FSTL5: variants seen among roughly 807,000 people sequenced by gnomAD.
FSTL5 encodes the protein follistatin-related protein 5.
In FSTL5, 62 loss-of-function variants were observed where a neutral mutation model predicts 89.1. The observed-to-expected ratio is 0.70, with a 90% CI of 0.57 to 0.86. The LOEUF (loss-of-function observed/expected upper bound fraction) is 0.86. FSTL5 is among the 40% of genes least tolerant of loss of function. The pLI is 0.00. For synonymous variants in FSTL5, 383 were observed against 346.2 expected, an observed-to-expected ratio of 1.11 and a Z score of -1.18; for missense variants, 1,057 against 1,001.6, an observed-to-expected ratio of 1.06 and a Z score of -0.75.
At chr4:161,460,944 A>G (rs910468997) in intron 13 of FSTL5, among the ~76,000 whole-genome samples, 2 of 150,838 alleles carry the variant, frequency 1.3e-5, no homozygotes, top group Admixed American at 6.6e-5. Flanking sequence ...CACATTGCAT[A>G]CTCTGTATGT....
At chr4:161,426,685 G>C (rs554343474) in intron 15 of FSTL5, among the ~76,000 whole-genome samples, 1 of 152,186 alleles carries the variant, frequency 6.6e-6, no homozygotes, top group Admixed American at 6.5e-5. Context: ...TCTGCCTCTC[G>C]GGTTCAAGTG....
At chr4:161,591,063 C>G (rs1210279015) in intron 7 of FSTL5, among the ~76,000 whole-genome samples, 1 of 152,270 alleles carries the variant, frequency 6.6e-6, no homozygotes, top group South Asian at 2.1e-4. Context: ...ATAAAATGTA[C>G]TATATCTATA....
chr4:161,783,701 T>C (rs1455730795), intron 4 of FSTL5, among the ~76,000 whole-genome samples: 3 of 28,372 alleles, frequency 1.1e-4, no homozygotes, highest in Admixed American at 5.1e-4. Context: ...CTTTCTTTCT[T>C]TCTTTCTTTC....
chr4:161,596,458 A>C (rs1734012898), intron 7 of FSTL5, among the ~76,000 whole-genome samples: 1 of 151,922 alleles, frequency 6.6e-6, no homozygotes, highest in Admixed American at 6.6e-5. Flanking sequence ...GTGAACAAAT[A>C]TTATTAGATA....
chr4:161,972,493 G>A (rs1469652409), intron 3 of FSTL5, among the ~76,000 whole-genome samples: 2 of 152,330 alleles, frequency 1.3e-5, no homozygotes, highest in East Asian at 3.9e-4. Flanking sequence ...CATGTTGTGA[G>A]CTGCTGCATG....
At chr4:161,611,232 A>ATGTG (rs1734634769) in intron 7 of FSTL5, among the ~76,000 whole-genome samples, 1 of 3,240 alleles carries the variant, frequency 3.1e-4, no homozygotes, top group Non-Finnish European at 6.7e-4. Context: ...ATGTGTATAC[A>ATGTG]TATATATATA....
intron 6 of FSTL5, among the ~76,000 whole-genome samples, chr4:161,711,814 G>A (rs1263263177): frequency 6.6e-6 from 1 of 152,128 alleles, no homozygotes; most frequent in Non-Finnish European, 1.5e-5. Context: ...ATCTGAGGTT[G>A]GGTCAACATC....
At chr4:161,953,607 T>G (rs1043160654) in intron 3 of FSTL5, among the ~76,000 whole-genome samples, 1 of 151,658 alleles carries the variant, frequency 6.6e-6, no homozygotes, top group Non-Finnish European at 1.5e-5. Flanking sequence ...TAAGCTATCT[T>G]TGCCTTGGTA....
chr4:162,065,856 G>A (rs1010106392), intron 2 of FSTL5, among the ~76,000 whole-genome samples: 6 of 151,902 alleles, frequency 3.9e-5, no homozygotes, highest in Non-Finnish European at 7.4e-5. Context: ...TTTATCTTTT[G>A]TAATATGCTC....
At chr4:161,449,641 T>C (rs1194151082) in intron 15 of FSTL5, among the ~76,000 whole-genome samples, 2 of 152,152 alleles carry the variant, frequency 1.3e-5, no homozygotes, top group Non-Finnish European at 2.9e-5. Context: ...ATTAAATCTG[T>C]TTGTAGTTGA....
intron 4 of FSTL5, among the ~76,000 whole-genome samples, chr4:161,882,325 AT>A (rs1322352978): frequency 6.6e-6 from 1 of 152,044 alleles, no homozygotes; most frequent in African/African-American, 2.4e-5. Context: ...ATTTTCTCAA[AT>A]CATTGCTGAC....
At chr4:162,134,571 C>T (rs1732454822) in intron 1 of FSTL5, among the ~76,000 whole-genome samples, 1 of 152,114 alleles carries the variant, frequency 6.6e-6, no homozygotes. Context: ...ATTTTTTAAA[C>T]ACTACAGTAC....
intron 8 of FSTL5, among the ~76,000 whole-genome samples, chr4:161,577,973 AG>A (rs1733288010): frequency 6.6e-6 from 1 of 151,690 alleles, no homozygotes; most frequent in South Asian, 2.1e-4. Context: ...ACTCAAATAT[AG>A]TTTTTTTTTT....
At chr4:162,059,902 A>G (rs1246080032) in intron 2 of FSTL5, among the ~76,000 whole-genome samples, 1 of 152,136 alleles carries the variant, frequency 6.6e-6, no homozygotes, top group Non-Finnish European at 1.5e-5. Context: ...AATCTTTCAG[A>G]ATTTCTCAAA....
At chr4:162,036,041 T>C (rs1737724221) in intron 2 of FSTL5, among the ~76,000 whole-genome samples, 1 of 152,092 alleles carries the variant, frequency 6.6e-6, no homozygotes, top group African/African-American at 2.4e-5. Flanking sequence ...TGCTTCCTCT[T>C]TTCCTAAGCA....
intron 4 of FSTL5, among the ~76,000 whole-genome samples, chr4:161,894,212 T>C (rs1733081627): frequency 6.6e-6 from 1 of 152,124 alleles, no homozygotes; most frequent in Non-Finnish European, 1.5e-5. Context: ...CAGGTTAATA[T>C]CAGGCCTCTT....
chr4:161,950,867 AC>A (rs1734873877), intron 3 of FSTL5, among the ~76,000 whole-genome samples: 3 of 152,018 alleles, frequency 2.0e-5, no homozygotes, highest in African/African-American at 7.2e-5. Flanking sequence ...AGGATTCTAA[AC>A]AATCATGCCA....
chr4:161,911,988 G>A (rs1733706467), intron 4 of FSTL5, among the ~76,000 whole-genome samples: 1 of 152,054 alleles, frequency 6.6e-6, no homozygotes, highest in Non-Finnish European at 1.5e-5. Flanking sequence ...CCTATGCTCT[G>A]TGAAATATCT....
At chr4:161,926,400 T>TG (rs2110880340) in intron 3 of FSTL5, among the ~76,000 whole-genome samples, 1 of 30,640 alleles carries the variant, frequency 3.3e-5, no homozygotes, top group South Asian at 9.4e-4. Context: ...GAAGGTTTTT[T>TG]TTTTTTGTTT....
Sources: allele counts gnomAD v4.1 joint callset (sites outside exome capture counted in the v4.1 genomes callset), GRCh38; gene constraint gnomAD v4.1.1; transcripts MANE v1.5; gene names NCBI Gene and HGNC (gene_info 2026-07-23, HGNC 2026-07-21).